The following SEMA3A variants were observed in gnomAD, a reference collection of about 807,000 sequenced individuals.
SEMA3A encodes semaphorin-3A.
Under a neutral mutation model 97.9 loss-of-function variants are expected in SEMA3A, and 29 were observed. The observed-to-expected ratio is 0.30, with a 90% CI of 0.22 to 0.40. The LOEUF is 0.40. SEMA3A is among the 10% of genes least tolerant of loss of function. SEMA3A has a pLI of 1.00. For missense variants in SEMA3A, 763 were observed against 951.3 expected, an observed-to-expected ratio of 0.80 and a Z score of 2.60; for synonymous variants, 321 against 323.7, an observed-to-expected ratio of 0.99 and a Z score of 0.09.
intron 1 of SEMA3A, among the ~76,000 whole-genome samples, chr7:84,160,212 ACTATCAATCTGTCTATCTATCTAT>A (rs1474733040): frequency 2.0e-5 from 3 of 150,094 alleles, no homozygotes; most frequent in African/African-American, 4.9e-5. Context: ...ATTAAAAAAA[ACTATCAATCTGTCTATCTATCTAT>A]CTATCTATCT....
intron 5 of SEMA3A, among the ~76,000 whole-genome samples, chr7:84,053,042 C>T (rs1359077118): frequency 2.0e-5 from 3 of 147,788 alleles, no homozygotes; most frequent in African/African-American, 4.9e-5. Context: ...ATTCTTAATC[C>T]TGAGTTCTAG....
intron 1 of SEMA3A, among the ~76,000 whole-genome samples, chr7:84,189,686 A>C (rs1003686660): frequency 1.3e-5 from 2 of 151,706 alleles, no homozygotes; most frequent in African/African-American, 4.8e-5. Context: ...ATTAAGCATA[A>C]TAGCCTCCAT....
At chr7:83,991,600 C>G (rs1279267006) in intron 12 of SEMA3A, among the ~76,000 whole-genome samples, 1 of 151,964 alleles carries the variant, frequency 6.6e-6, no homozygotes, top group Admixed American at 6.6e-5. Flanking sequence ...GCCTTTGGCT[C>G]TCTTTATATG....
At chr7:84,062,782 C>A (rs1221666517) in intron 4 of SEMA3A, among the ~76,000 whole-genome samples, 2 of 152,308 alleles carry the variant, frequency 1.3e-5, no homozygotes, top group East Asian at 1.9e-4. Flanking sequence ...CCCACGGAGT[C>A]TCGCTGATTG....
chr7:84,057,735 CT>C (rs768026436), intron 5 of SEMA3A, among the ~76,000 whole-genome samples: 42 of 149,084 alleles, frequency 2.8e-4, no homozygotes, highest in Non-Finnish European at 4.4e-4. Context: ...GCACTCCAGC[CT>C]GGGCGACAGA....
intron 13 of SEMA3A, among the ~76,000 whole-genome samples, chr7:83,984,339 C>G (rs188975803): frequency 1.3e-5 from 2 of 152,076 alleles, no homozygotes; most frequent in Admixed American, 6.6e-5. Context: ...ATAACAGTAT[C>G]AGGTCAATCG....
chr7:84,404,105 G>A (rs560081594), intron 1 of SEMA3A, among the ~76,000 whole-genome samples: 3 of 152,222 alleles, frequency 2.0e-5, no homozygotes, highest in African/African-American at 7.2e-5. Flanking sequence ...CAAGCTAAAG[G>A]AGGAAGTTCC....
At chr7:84,325,733 G>T (rs543498216) in intron 2 of SEMA3A, among the ~76,000 whole-genome samples, 1 of 151,974 alleles carries the variant, frequency 6.6e-6, no homozygotes, top group East Asian at 1.9e-4. Context: ...TATTTAATTA[G>T]CCAGTAAAGA....
rs966452103 is a variant in SEMA3A at position 84,099,303 on chromosome 7, C to T, written c.453+11167G>A. Among the ~76,000 whole-genome samples the T allele has an allele frequency of 3.6e-5, 2 of 55,534 alleles. 1 individual carries two copies. Among genetic ancestry groups the T allele is most frequent in the Non-Finnish European group, 1.2e-4 (2 of 16,100 alleles). 36.4% of individuals were successfully genotyped at this position (55,534 alleles called of 152,430 possible). On this transcript the variant is annotated intron_variant, in intron 4 of 16. Coordinates refer to ENST00000265362, the MANE Select transcript of SEMA3A (RefSeq NM_006080.3). Reference sequence around the variant, plus strand: ...GCCAGGATGGTCTCGATCTCCTGACCTCGTGATCCGCCCGCCTCGGCCTCC... The same window carrying T: ...GCCAGGATGGTCTCGATCTCCTGACTTCGTGATCCGCCCGCCTCGGCCTCC...
chr7:83,963,319 C>T lies in SEMA3A; in HGVS notation c.1746G>A (p.Glu582=). ...HDNHHGHSPE[E]RIIYGVENSS... ...TATTCTCTACACCATAGATGATTCT[C>T]TCTTCAGGGCTGTGGCCATGGTGAT... The change falls in exon 16 of 17, where the codon GAG becomes GAA. Residue 582 remains glutamate (E), a synonymous_variant. Coordinates refer to ENST00000265362, the MANE Select transcript of SEMA3A (RefSeq NM_006080.3). 1 of 1,613,490 alleles carries T rather than the reference C, an allele frequency of 6.2e-7. No individual in the cohort carries two copies. Among genetic ancestry groups the T allele is most frequent in the African/African-American group, 1.3e-5 (1 of 75,060 alleles).
At chr7:84,209,407 T>C (rs1798571643) in intron 3 of SEMA3A, among the ~76,000 whole-genome samples, 1 of 152,154 alleles carries the variant, frequency 6.6e-6, no homozygotes. Flanking sequence ...GGCAGTACAG[T>C]ATGATGAGGG....
chr7:84,146,222 A>T (rs756584462), intron 1 of SEMA3A, among the ~76,000 whole-genome samples: 12 of 152,308 alleles, frequency 7.9e-5, no homozygotes, highest in Non-Finnish European at 1.6e-4. Flanking sequence ...GCACAATGCC[A>T]TATGGGTCAA....
intron 4 of SEMA3A, among the ~76,000 whole-genome samples, chr7:84,096,484 T>A (rs1172685569): frequency 6.6e-6 from 1 of 152,082 alleles, no homozygotes; most frequent in Non-Finnish European, 1.5e-5. Flanking sequence ...TAAGTAGTTA[T>A]GAGTATACAA....
chr7:84,440,622 C>G (rs940628635), intron 1 of SEMA3A, among the ~76,000 whole-genome samples: 1 of 152,080 alleles, frequency 6.6e-6, no homozygotes, highest in Non-Finnish European at 1.5e-5. Flanking sequence ...GGAATGCCAC[C>G]ATGCATGCCC....
intron 6 of SEMA3A, among the ~76,000 whole-genome samples, chr7:84,022,791 T>A (rs553875147): frequency 1.4e-3 from 208 of 152,332 alleles, no homozygotes; most frequent in African/African-American, 4.8e-3. Context: ...TTCTTGCATC[T>A]GCATAGCTTA....
chr7:84,489,836 T>C (rs1010749739), intron 1 of SEMA3A, among the ~76,000 whole-genome samples: 6 of 152,112 alleles, frequency 3.9e-5, no homozygotes, highest in African/African-American at 9.7e-5. Flanking sequence ...AGTGTTGATA[T>C]GTGGTTAAAA....
intron 4 of SEMA3A, among the ~76,000 whole-genome samples, chr7:84,064,989 C>T (rs957986797): frequency 9.2e-5 from 14 of 152,208 alleles, no homozygotes; most frequent in Admixed American, 5.2e-4. Flanking sequence ...CCACACCACA[C>T]CTATTCCAAA....
At position 83,985,450 on chromosome 7, in the gene SEMA3A, G is replaced by T. The variant is rs752274156; in HGVS notation, c.1480C>A (p.Leu494Ile). ...AATGATAGTACCTGCTTAGTGGAAA[G>T]CTCCATTGCTGAAATAGCAGTCGGT... ...REPTAISAME[L>I]STKQQQLYIG... The change falls in exon 13 of 17, where the codon CTT becomes ATT. Residue 494 changes from leucine to isoleucine, a missense_variant. This residue lies in a region of SEMA3A where 678 missense variants were observed against 881.3 expected (regional missense o/e 0.77). Transcript: ENST00000265362. The T allele has an allele frequency of 6.2e-6, 10 of 1,610,696 alleles. No individual in the cohort carries two copies. The highest frequency in any genetic ancestry group is 8.5e-6 in the Non-Finnish European group (10 of 1,177,636).
intron 3 of SEMA3A, among the ~76,000 whole-genome samples, chr7:84,242,691 G>C (rs1799393208): frequency 6.6e-6 from 1 of 152,162 alleles, no homozygotes; most frequent in African/African-American, 2.4e-5. Flanking sequence ...AGTGGTAAGA[G>C]AGGGCATCCT....
Sources: gnomAD v4.1 joint callset for allele counts (sites outside exome capture counted in the v4.1 genomes callset) on GRCh38, gnomAD v4.1.1 for gene constraint, gnomAD v4.1.1 regional missense constraint, MANE v1.5 for transcripts, NCBI Gene and HGNC (gene_info 2026-07-23, HGNC 2026-07-21) for gene names.